The following NFATC1 variants were observed in gnomAD, a reference collection of about 807,000 sequenced individuals.
NFATC1 encodes nuclear factor of activated T cells 1.
NFATC1 carries 22 observed loss-of-function variants against 76.0 expected under a neutral mutation model. That is an observed-to-expected ratio of 0.29 (90% CI 0.21 to 0.41). The LOEUF is 0.41. Ranked by LOEUF, NFATC1 falls within the 10% of genes least tolerant of loss-of-function variation. NFATC1 has a pLI of 1.00. For synonymous variants in NFATC1, 704 were observed against 613.1 expected, an observed-to-expected ratio of 1.15 and a Z score of -2.19; for missense variants, 1,357 against 1,337.7, an observed-to-expected ratio of 1.01 and a Z score of -0.23.
At chr18:79,451,235 T>A (rs2087459439) in intron 5 of NFATC1, 109 bp downstream of exon 5, 1 of 1,333,302 alleles carries the variant, frequency 7.5e-7, no homozygotes, top group African/African-American at 1.5e-5. Context: ...GACTGAACGG[T>A]TCCCACCAAA....
chr18:79,511,352 G>A (rs1174115373), intron 9 of NFATC1, among the ~76,000 whole-genome samples: 1 of 152,132 alleles, frequency 6.6e-6, no homozygotes, highest in African/African-American at 2.4e-5. Flanking sequence ...CCAGCACCTC[G>A]CCACACGATG....
chr18:79,515,834 T>A (rs889519679), intron 9 of NFATC1: 1 of 152,062 alleles, frequency 6.6e-6, no homozygotes, highest in Non-Finnish European at 1.5e-5. Flanking sequence ...TTCTGTTAAT[T>A]CTGTTTGAAA....
intron 3 of NFATC1, among the ~76,000 whole-genome samples, chr18:79,444,340 C>T (rs888385632): frequency 7.9e-5 from 12 of 152,194 alleles, no homozygotes; most frequent in East Asian, 3.9e-4. Context: ...CCAGCCATGG[C>T]GTCCCCGTTC....
chr18:79,448,621 C>G, intron 3 of NFATC1, 161 bp from the exon 4 acceptor site: 1 of 702,018 alleles, frequency 1.4e-6, no homozygotes, highest in Non-Finnish European at 2.4e-6. Flanking sequence ...ATTTTCTAAT[C>G]TGATTTACAA....
intron 2 of NFATC1, among the ~76,000 whole-genome samples, chr18:79,413,793 C>T (rs1446021109): frequency 6.6e-6 from 1 of 152,192 alleles, no homozygotes; most frequent in Non-Finnish European, 1.5e-5. Context: ...CCCTCCTGTC[C>T]ACCTTGGACC....
intron 1 of NFATC1, among the ~76,000 whole-genome samples, chr18:79,404,156 C>T (rs570838858): frequency 3.3e-5 from 5 of 152,294 alleles, no homozygotes; most frequent in South Asian, 4.1e-4. Context: ...ATGATGTGTG[C>T]GTCGGACCAG....
intron 3 of NFATC1, among the ~76,000 whole-genome samples, chr18:79,446,810 G>A (rs944603515): frequency 1.3e-5 from 2 of 152,230 alleles, no homozygotes; most frequent in Admixed American, 6.5e-5. Flanking sequence ...AGAGACTCCT[G>A]TGGGCATCTG....
At chr18:79,457,885 C>T (rs1012003476) in intron 6 of NFATC1, among the ~76,000 whole-genome samples, 3 of 152,202 alleles carry the variant, frequency 2.0e-5, no homozygotes, top group East Asian at 1.9e-4. Context: ...TGGGTCAGGG[C>T]GTAGGGTCCT....
intron 9 of NFATC1, among the ~76,000 whole-genome samples, chr18:79,526,793 G>A (rs1002091296): frequency 2.0e-5 from 3 of 152,238 alleles, no homozygotes; most frequent in Non-Finnish European, 2.9e-5. Context: ...GAGACAGGCC[G>A]GGGCCTTTGC....
chr18:79,485,677 T>C (rs2089471809), intron 8 of NFATC1, among the ~76,000 whole-genome samples: 1 of 152,212 alleles, frequency 6.6e-6, no homozygotes, highest in African/African-American at 2.4e-5. Flanking sequence ...GGCTGCCCGG[T>C]CACAGCCTCC....
intron 2 of NFATC1, among the ~76,000 whole-genome samples, chr18:79,429,488 G>A (rs1029858101): frequency 1.3e-5 from 2 of 152,100 alleles, no homozygotes; most frequent in African/African-American, 4.8e-5. Flanking sequence ...TTCAGCAAGC[G>A]AGTTGCCGTT....
chr18:79,414,948 G>A (rs796792182), intron 2 of NFATC1, among the ~76,000 whole-genome samples: 7 of 152,326 alleles, frequency 4.6e-5, no homozygotes, highest in African/African-American at 1.7e-4. Context: ...TCAAATGGTA[G>A]CTTTTAAAGA....
intron 9 of NFATC1, among the ~76,000 whole-genome samples, chr18:79,498,511 CAAT>C (rs2089948390): frequency 6.6e-6 from 1 of 151,932 alleles, no homozygotes; most frequent in Admixed American, 6.6e-5. Context: ...AAGAAAGAAT[CAAT>C]AAAAATGAAC....
At chr18:79,493,422 G>A (rs914905481) in intron 9 of NFATC1, 27 of 152,270 alleles carry the variant, frequency 1.8e-4, no homozygotes, top group African/African-American at 6.3e-4. Context: ...CTCGGCGCGG[G>A]GCTGGTCTGC....
chr18:79,476,260 G>C (rs1445024814), intron 8 of NFATC1, among the ~76,000 whole-genome samples: 1 of 152,242 alleles, frequency 6.6e-6, no homozygotes, highest in East Asian at 1.9e-4. Flanking sequence ...GGCGGCGTCG[G>C]CCATGCTGCT....
intron 1 of NFATC1, chr18:79,400,259 G>GGGCGGC: frequency 8.5e-7 from 1 of 1,170,830 alleles, no homozygotes; most frequent in Non-Finnish European, 1.1e-6. Context: ...ACGCCCCGGG[G>GGGCGGC]GGCGGGGGCG....
chr18:79,399,565 T>C (rs915756119), intron 1 of NFATC1, among the ~76,000 whole-genome samples: 3 of 152,238 alleles, frequency 2.0e-5, no homozygotes, highest in Non-Finnish European at 4.4e-5. Flanking sequence ...GCAGCCCGGC[T>C]TTCCGGATCC....
At chr18:79,433,530 G>A (rs1368809639) in intron 2 of NFATC1, 49 bp from the exon 3 acceptor site, 1 of 1,610,170 alleles carries the variant, frequency 6.2e-7, no homozygotes, top group Non-Finnish European at 8.5e-7. Flanking sequence ...TGTGGCCCGG[G>A]CGAGGTCTGT....
At chr18:79,400,373 G>GGCCCCC (rs928871597) in intron 1 of NFATC1, 1 of 1,439,272 alleles carries the variant, frequency 6.9e-7, no homozygotes. Context: ...CTCCCGCCCC[G>GGCCCCC]GCCCCGGCCC....
Sources: gnomAD v4.1 joint callset for allele counts (sites outside exome capture counted in the v4.1 genomes callset) on GRCh38, gnomAD v4.1.1 for gene constraint, MANE v1.5 for transcripts, NCBI Gene and HGNC (gene_info 2026-07-23, HGNC 2026-07-21) for gene names.